IL5: variants seen among roughly 807,000 people sequenced by gnomAD.
IL5 encodes interleukin 5.
IL5 carries 12 observed loss-of-function variants against 16.3 expected under a neutral mutation model. The observed-to-expected ratio is 0.74, with a 90% CI of 0.47 to 1.20. IL5 has a LOEUF of 1.20. IL5 is among the 50% of genes most tolerant of loss of function. IL5 has a pLI of 0.00. For missense variants in IL5, 159 were observed against 153.9 expected (o/e 1.03, Z -0.17); for synonymous variants, 54 against 56.6 (o/e 0.95, Z 0.21).
rs917763851 is a variant in IL5 at position 132,541,841 on chromosome 5, T to C, written c.375A>G (p.Val125=). The C allele has an allele frequency of 8.1e-6, 13 of 1,612,378 alleles. No individual in the cohort carries two copies. Among genetic ancestry groups the C allele is most frequent in the Admixed American group, 1.7e-5 (1 of 59,986 alleles). Residue 125 remains valine, a synonymous_variant, in exon 4 of 4, where the codon GTA becomes GTG. Transcript: ENST00000231454. ...TTTCTATTATCCACTCGGTGTTCAT[T>C]ACACCAAGAAACTCTTGCAGGTAGT... ...FLDYLQEFLG[V]MNTEWIIES
intron 1 of IL5, among the ~76,000 whole-genome samples, chr5:132,551,717 T>C (rs1204560322): frequency 6.6e-6 from 1 of 152,232 alleles, no homozygotes; most frequent in African/African-American, 2.4e-5. Context: ...CTTTCTTAAA[T>C]GTATCTATTG....
At chr5:132,543,154 T>C in intron 1 of IL5, 28 bp from the exon 2 acceptor site, 2 of 1,598,234 alleles carry the variant, frequency 1.3e-6, no homozygotes, top group Non-Finnish European at 1.7e-6. Context: ...TACAATCATT[T>C]TTACAGCACA....
chr5:132,554,888 A>G (rs754117252), intron 1 of IL5, among the ~76,000 whole-genome samples: 17 of 152,222 alleles, frequency 1.1e-4, no homozygotes, highest in Non-Finnish European at 2.2e-4. Context: ...TATATGCTAC[A>G]GTGGTCCCCA....
rs996727286 is a variant in IL5 at position 132,541,574 on chromosome 5, G to GA, written c.*236dup. 1 of 406,062 alleles carries GA rather than the reference G, an allele frequency of 2.5e-6. No homozygotes were observed. Among genetic ancestry groups the GA allele is most frequent in the Non-Finnish European group, 4.4e-6 (1 of 229,610 alleles). The allele number at this position is 406,062 out of a possible 1,614,324, so 25.2% of individuals were successfully genotyped here. ...TTTTACAGAATGTTAAGTTAAATAA[G>GA]AAAAAAGTATATCAATTTTGCCTGG... On this transcript the variant is annotated 3_prime_UTR_variant, in exon 4 of 4. Coordinates refer to ENST00000231454, the MANE Select transcript of IL5 (RefSeq NM_000879.3).
At chr5:132,548,698 C>T (rs897853749) in intron 1 of IL5, among the ~76,000 whole-genome samples, 3 of 152,140 alleles carry the variant, frequency 2.0e-5, no homozygotes, top group Non-Finnish European at 4.4e-5. Context: ...AATGGAATGA[C>T]GCCCTATCCA....
In IL5 at chr5:132,543,397, C is replaced by T. The variant is rs370838683; in HGVS notation, c.82G>A (p.Ala28Thr). Reference protein sequence around the residue: ...YAIPTEIPTSALVKETLALLS... With the variant: ...YAIPTEIPTSTLVKETLALLS... The stretch of plus-strand genomic sequence containing the variant: ...AGTGCCAAGGTCTCTTTCACCAATG[C>T]ACTTGTGGGAATTTCTGTGGGGATG... The change falls in exon 1 of 4, where the codon GCA becomes ACA. Residue 28 changes from alanine (A) to threonine (T), a missense_variant. Ala to Thr is a moderately conservative substitution (Grantham distance 58). Coordinates refer to ENST00000231454, the MANE Select transcript of IL5 (RefSeq NM_000879.3). 1.9e-6 allele frequency: 3 copies of T among 1,614,208 alleles called. No homozygotes were observed. The highest frequency in any genetic ancestry group is 1.3e-5 in the African/African-American group (1 of 75,062).
intron 1 of IL5, among the ~76,000 whole-genome samples, chr5:132,555,187 T>C (rs1442223712): frequency 6.6e-6 from 1 of 152,180 alleles, no homozygotes; most frequent in East Asian, 1.9e-4. Flanking sequence ...GCCACCAGGT[T>C]CCTAACAGGC....
At chr5:132,551,143 A>G (rs990136816) in intron 1 of IL5, among the ~76,000 whole-genome samples, 2 of 152,260 alleles carry the variant, frequency 1.3e-5, no homozygotes, top group African/African-American at 4.8e-5. Flanking sequence ...GATATTCTAC[A>G]AAGCAGGAAA....
At position 132,543,094 on chromosome 5, in the gene IL5, A is replaced by C; in HGVS notation, c.177T>G (p.Asn59Lys). 1 of 1,599,970 alleles carries C rather than the reference A, an allele frequency of 6.3e-7. No homozygotes were observed. ...TLRIPVPVHK[N>K]HQLCTEEIFQ... The stretch of plus-strand genomic sequence containing the variant: ...TTTACTGAATCATAATTTAACTTAC[A>C]TTTTTATGTACAGGAACAGGAATCC... The change falls in exon 2 of 4, where the codon AAT becomes AAG. Residue 59 changes from asparagine to lysine, a missense_variant and splice_region_variant. Transcript: ENST00000231454.
chr5:132,550,311 C>T (rs1749862941), intron 1 of IL5, among the ~76,000 whole-genome samples: 1 of 151,126 alleles, frequency 6.6e-6, no homozygotes, highest in African/African-American at 2.4e-5. Flanking sequence ...ATATCCAATG[C>T]AGAAAAAAGA....
intron 1 of IL5, among the ~76,000 whole-genome samples, chr5:132,554,201 A>G (rs182421365): frequency 7.9e-5 from 12 of 152,070 alleles, no homozygotes; most frequent in Non-Finnish European, 1.6e-4. Flanking sequence ...CCCCGTCTCT[A>G]CTAAAAATAC....
chr5:132,555,176 T>C (rs1288573429), intron 1 of IL5, among the ~76,000 whole-genome samples: 3 of 152,164 alleles, frequency 2.0e-5, no homozygotes, highest in African/African-American at 7.2e-5. Flanking sequence ...CCTCCTACTG[T>C]GCCACCAGGT....
At chr5:132,556,557 T>C (rs2149829337) in intron 1 of IL5, 1 of 442,866 alleles carries the variant, frequency 2.3e-6, no homozygotes, top group Non-Finnish European at 3.3e-6. Context: ...ATGCGCACAT[T>C]CCATTAACCG....
At chr5:132,556,656 G>T in intron 1 of IL5, 3 of 1,221,806 alleles carry the variant, frequency 2.5e-6, no homozygotes, top group Non-Finnish European at 3.2e-6. Context: ...AAGGAAAATA[G>T]TTTTGACACG....
At chr5:132,543,666 C>T (rs1023974247), upstream of IL5, 27 of 422,384 alleles carry the variant, frequency 6.4e-5, no homozygotes, top group East Asian at 6.7e-4. Flanking sequence ...AATAAATTTA[C>T]TTTTATCTTT....
chr5:132,542,150 G>T lies in IL5; in HGVS notation c.178-7C>A, dbSNP rs768559399. On this transcript the variant is annotated splice_polypyrimidine_tract_variant and splice_region_variant and intron_variant, in intron 2 of 3. Coordinates refer to ENST00000231454, the MANE Select transcript of IL5 (RefSeq NM_000879.3). Reference sequence around the variant, plus strand: ...CTTCAGTGCACAGTTGGTGCTAAATGAGGAAAATTTTTAAAATGCAAATAA... The same window carrying T: ...CTTCAGTGCACAGTTGGTGCTAAATTAGGAAAATTTTTAAAATGCAAATAA... 1.3e-6 allele frequency: 2 copies of T among 1,595,880 alleles called. No individual in the cohort carries two copies. Among genetic ancestry groups the T allele is most frequent in the Non-Finnish European group, 1.7e-6 (2 of 1,175,162 alleles).
chr5:132,542,095 T>C lies in IL5; in HGVS notation c.226A>G (p.Ser76Gly). The C allele has an allele frequency of 6.2e-7, 1 of 1,613,198 alleles. No individual in the cohort carries two copies. Among genetic ancestry groups the C allele is most frequent in the Non-Finnish European group, 8.5e-7 (1 of 1,179,202 alleles). The change falls in exon 3 of 4, where the codon AGT becomes GGT. Residue 76 changes from serine to glycine, a missense_variant. Coordinates refer to ENST00000231454, the MANE Select transcript of IL5 (RefSeq NM_000879.3). ...EIFQGIGTLE[S>G]QTVQGGTVER... ...ACAGTACCCCCTTGCACAGTTTGAC[T>C]CTCCAGTGTGCCTATTCCCTGAAAG...
intron 1 of IL5, among the ~76,000 whole-genome samples, chr5:132,551,381 T>G (rs756154516): frequency 6.6e-6 from 1 of 152,220 alleles, no homozygotes; most frequent in Non-Finnish European, 1.5e-5. Flanking sequence ...TGTTATAACA[T>G]TCACGAGAAA....
chr5:132,554,259 C>T (rs1333396410), intron 1 of IL5, among the ~76,000 whole-genome samples: 2 of 151,380 alleles, frequency 1.3e-5, no homozygotes, highest in Non-Finnish European at 2.9e-5. Context: ...CCCAGCTACT[C>T]AGGAGGCTGA....
Sources: allele counts gnomAD v4.1 joint callset (sites outside exome capture counted in the v4.1 genomes callset), GRCh38; gene constraint gnomAD v4.1.1; transcripts MANE v1.5; gene names NCBI Gene and HGNC (gene_info 2026-07-23, HGNC 2026-07-21).